The following MYCL variants were observed in gnomAD, a reference collection of about 807,000 sequenced individuals.
The protein encoded by MYCL is MYCL proto-oncogene, bHLH transcription factor, also known as protein L-Myc.
In MYCL, 11 loss-of-function variants were observed where a neutral mutation model predicts 31.0. The ratio of observed to expected loss-of-function variants is 0.35; its 90% CI spans 0.22 to 0.59. The LOEUF (loss-of-function observed/expected upper bound fraction) is 0.59. Among genes scored for constraint, MYCL ranks in the 20% least tolerant of loss-of-function variants. MYCL has a pLI of 0.79. For missense variants in MYCL, 427 were observed against 486.1 expected, an observed-to-expected ratio of 0.88 and a Z score of 1.14; for synonymous variants, 208 against 202.4, an observed-to-expected ratio of 1.03 and a Z score of -0.23.
chr1:39,901,864 C>A lies in MYCL; in HGVS notation c.-430G>T, dbSNP rs1451256457. ...CCGGCTCCCCGCCGGCTCGGGGCAGCCCGGCAGCCAGCACACACGCACATG... is the reference window on the plus strand; with the variant it reads ...CCGGCTCCCCGCCGGCTCGGGGCAGACCGGCAGCCAGCACACACGCACATG... On this transcript the variant is annotated 5_prime_UTR_variant, in exon 1 of 2. Coordinates refer to ENST00000372816, the MANE Select transcript of MYCL (RefSeq NM_001033081.3). The surrounding 1 kb of genome is among the most constrained non-coding windows in gnomAD (Gnocchi z 6.9). 1.6e-6 allele frequency: 2 copies of A among 1,226,610 alleles called. No individual in the cohort carries two copies. Among genetic ancestry groups the A allele is most frequent in the Non-Finnish European group, 1.0e-6 (1 of 977,258 alleles). 76.0% of individuals were successfully genotyped at this position (1,226,610 alleles called of 1,614,324 possible).
In MYCL at chr1:39,896,664, T is replaced by A. The variant is rs999385734; in HGVS notation, c.*708A>T. 2.9e-5 allele frequency: 6 copies of A among 210,442 alleles called. No homozygotes were observed. The highest frequency in any genetic ancestry group is 5.9e-5 in the Admixed American group (1 of 16,932). The allele number at this position is 210,442 out of a possible 1,614,324, so 13.0% of individuals were successfully genotyped here. A position where few individuals can be genotyped will look rare whatever the true frequency, so the allele number is the denominator to read the frequency against. The stretch of plus-strand genomic sequence containing the variant: ...AAAGTCCCTTGTGAGGAAAGAAAGG[T>A]CCCTCCCTCAGAGGAGAGAGCCCAG... On this transcript the variant is annotated 3_prime_UTR_variant, in exon 2 of 2. Coordinates refer to ENST00000372816, the MANE Select transcript of MYCL (RefSeq NM_001033081.3).
At chr1:39,899,608 G>C in intron 1 of MYCL, 2 of 984,812 alleles carry the variant, frequency 2.0e-6, no homozygotes, top group Non-Finnish European at 2.4e-6. Flanking sequence ...CACTCCACCA[G>C]CCGTTGTAGA....
chr1:39,898,932 A>G (rs1644508433), intron 1 of MYCL: 1 of 985,360 alleles, frequency 1.0e-6, no homozygotes, highest in South Asian at 4.7e-5. Context: ...GCCTCCACAC[A>G]GAAGTCCACC....
chr1:39,901,603 G>A lies in MYCL; in HGVS notation c.-169C>T, dbSNP rs1387254236. 1.2e-5 allele frequency: 17 copies of A among 1,425,822 alleles called. No individual in the cohort carries two copies. Among genetic ancestry groups the A allele is most frequent in the South Asian group, 3.0e-5 (2 of 66,590 alleles). The allele number at this position is 1,425,822 out of a possible 1,614,324, so 88.3% of individuals were successfully genotyped here. A position where few individuals can be genotyped will look rare whatever the true frequency, so the allele number is the denominator to read the frequency against. ...CTCGCGTCCCGGGAAGCCGGGCCCC[G>A]GGTCAGAGTGGTAGGGGAAGCCAAT... On this transcript the variant is annotated 5_prime_UTR_variant, in exon 1 of 2. Coordinates refer to ENST00000372816, the MANE Select transcript of MYCL (RefSeq NM_001033081.3). The surrounding 1 kb of genome is among the most constrained non-coding windows in gnomAD (Gnocchi z 6.9).
At chr1:39,898,107 G>A in intron 1 of MYCL, 137 bp from the exon 2 acceptor site, 1 of 1,307,744 alleles carries the variant, frequency 7.6e-7, no homozygotes, top group Non-Finnish European at 1.0e-6. Flanking sequence ...ACAAATCGAG[G>A]TGAGCAGAAA....
chr1:39,901,858 G>T lies in MYCL; in HGVS notation c.-424C>A. 8.1e-7 allele frequency: 1 copy of T among 1,239,136 alleles called. No individual in the cohort carries two copies. The highest frequency in any genetic ancestry group is 1.0e-6 in the Non-Finnish European group (1 of 982,966). 76.8% of individuals were successfully genotyped at this position (1,239,136 alleles called of 1,614,324 possible). On this transcript the variant is annotated 5_prime_UTR_variant, in exon 1 of 2. Coordinates refer to ENST00000372816, the MANE Select transcript of MYCL (RefSeq NM_001033081.3). This position sits in a 1 kb window ranked among gnomAD's most constrained non-coding sequence, Gnocchi z 6.9. ...AGCGGACCGGCTCCCCGCCGGCTCG[G>T]GGCAGCCCGGCAGCCAGCACACACG...
rs1378466331 is a variant in MYCL, at chr1:39,897,086, G to T, written c.*286C>A. The T allele has an allele frequency of 2.6e-6, 1 of 388,414 alleles. No individual in the cohort carries two copies. The highest frequency in any genetic ancestry group is 4.6e-6 in the Non-Finnish European group (1 of 216,030). The allele number at this position is 388,414 out of a possible 1,614,324, so 24.1% of individuals were successfully genotyped here. ...TCTGTCAGCCTTTTCTTCAGAGCTA[G>T]TGAGCTAGGCAGACCCCAAGGCTCC... On this transcript the variant is annotated 3_prime_UTR_variant, in exon 2 of 2. Transcript: ENST00000372816. The surrounding 1 kb of genome is among the most constrained non-coding windows in gnomAD (Gnocchi z 4.3).
chr1:39,899,855 G>A, intron 1 of MYCL: 1 of 985,358 alleles, frequency 1.0e-6, no homozygotes, highest in Non-Finnish European at 1.2e-6. Context: ...AAAAGCTACA[G>A]TGAGCTTTCT....
chr1:39,900,035 G>C, intron 1 of MYCL: 1 of 985,534 alleles, frequency 1.0e-6, no homozygotes, highest in Non-Finnish European at 1.2e-6. Flanking sequence ...TCAAGGATGG[G>C]AGAGGAGGGC....
intron 1 of MYCL, chr1:39,898,825 G>C (rs755036703): frequency 1.7e-4 from 167 of 985,324 alleles, no homozygotes; most frequent in Middle Eastern, 5.2e-4. Context: ...ACCTGGACAC[G>C]CCCTTCTCAT....
chr1:39,900,360 C>T lies in MYCL; in HGVS notation c.496+579G>A, dbSNP rs141303649. On this transcript the variant is annotated intron_variant, in intron 1 of 1. Coordinates refer to ENST00000372816, the MANE Select transcript of MYCL (RefSeq NM_001033081.3). ...TGTCTATCTCTAAGCCTCAGTTTTT[C>T]CATCTGTTAATGGGGAGTGTTCATT... is the stretch of plus-strand genomic sequence containing the variant. 9.5e-5 allele frequency: 94 copies of T among 985,958 alleles called. 1 individual carries two copies. In the African/African-American group the frequency reaches 1.5e-3, roughly 16 times the overall value. 61.1% of individuals were successfully genotyped at this position (985,958 alleles called of 1,614,324 possible). A position where few individuals can be genotyped will look rare whatever the true frequency, so the allele number is the denominator to read the frequency against.
At position 39,898,790 on chromosome 1, in the gene MYCL, C is replaced by A. The variant is rs1177287710; in HGVS notation, c.497-820G>T. The A allele has an allele frequency of 3.0e-6, 3 of 985,356 alleles. No individual in the cohort carries two copies. In the East Asian group the frequency reaches 3.4e-4, roughly 112 times the overall value. 61.0% of individuals were successfully genotyped at this position (985,356 alleles called of 1,614,324 possible). ...GCAGCAGAATGTCCCAGATATGGGG[C>A]TCATAACACCAGAGACCTGGAGACA... On this transcript the variant is annotated intron_variant, in intron 1 of 1. Transcript: ENST00000372816.
rs1644493762 is a variant in MYCL, at chr1:39,897,495, G to C, written c.972C>G (p.Ser324Arg). 6.2e-7 allele frequency: 1 copy of C among 1,614,236 alleles called. No individual in the cohort carries two copies. The highest frequency in any genetic ancestry group is 8.5e-7 in the Non-Finnish European group (1 of 1,180,040). Residue 324 changes from serine to arginine, a missense_variant, in exon 2 of 2, where the codon AGC becomes AGG. Ser to Arg is a moderately radical substitution (Grantham distance 110, BLOSUM62 -1). Coordinates refer to ENST00000372816, the MANE Select transcript of MYCL (RefSeq NM_001033081.3). The surrounding 1 kb of genome is among the most constrained non-coding windows in gnomAD (Gnocchi z 4.3). ...CSKAPKVVIL[S>R]KALEYLQALV... ...GGGCTTGCAAGTATTCCAAGGCCTT[G>C]CTTAGGATCACTACTTTGGGGGCCT... is the stretch of plus-strand genomic sequence containing the variant.
rs1265120993 is a variant in MYCL, at chr1:39,897,994, G to A, written c.497-24C>T. On this transcript the variant is annotated intron_variant, in intron 1 of 1. Coordinates refer to ENST00000372816, the MANE Select transcript of MYCL (RefSeq NM_001033081.3). This position sits in a 1 kb window ranked among gnomAD's most constrained non-coding sequence, Gnocchi z 4.3. ...CTCTGTCCGAGAAAAGAGATCAAGA[G>A]AAGAAACACATCCCATGAGAAACAC... 9 of 1,601,752 alleles carry A rather than the reference G, an allele frequency of 5.6e-6. No individual in the cohort carries two copies. Among genetic ancestry groups the A allele is most frequent in the Non-Finnish European group, 7.7e-6 (9 of 1,173,386 alleles).
In MYCL at chr1:39,901,815, C is replaced by A; in HGVS notation, c.-381G>T. On this transcript the variant is annotated 5_prime_UTR_variant, in exon 1 of 2. Coordinates refer to ENST00000372816, the MANE Select transcript of MYCL (RefSeq NM_001033081.3). This position sits in a 1 kb window ranked among gnomAD's most constrained non-coding sequence, Gnocchi z 6.9. ...GGCCACCCGCAGCCTCACCTCGCTC[C>A]AGCCGCCCGCCACCTGGAGCGGACC... 7.8e-7 allele frequency: 1 copy of A among 1,277,400 alleles called. No homozygotes were observed. The highest frequency in any genetic ancestry group is 1.0e-6 in the Non-Finnish European group (1 of 1,000,678). The allele number at this position is 1,277,400 out of a possible 1,614,324, so 79.1% of individuals were successfully genotyped here.
At position 39,897,750 on chromosome 1, in the gene MYCL, C is replaced by CT; in HGVS notation, c.716dup (p.Arg240GlufsTer10). 2 of 1,614,164 alleles carry CT rather than the reference C, an allele frequency of 1.2e-6. No individual in the cohort carries two copies. Among genetic ancestry groups the CT allele is most frequent in the Non-Finnish European group, 1.7e-6 (2 of 1,180,034 alleles). The stretch of plus-strand genomic sequence containing the variant: ...CTTCCTTTTCCCCTGCAGCATCTCT[C>CT]TCCAGAACCTCTTCTTGGGGACCCC... On this transcript the variant is annotated frameshift_variant, in exon 2 of 2. Transcript: ENST00000372816. LOFTEE classifies it high-confidence loss of function. This position sits in a 1 kb window ranked among gnomAD's most constrained non-coding sequence, Gnocchi z 4.3.
rs1330620062 is a variant in MYCL, at chr1:39,897,442, G to C, written c.1025C>G (p.Thr342Arg). ...ALVGAEKRMA[T>R]EKRQLRCRQQ... ...CCGGCATCGGAGCTGTCTTTTCTCT[G>C]TAGCCATCCTCTTCTCAGCCCCCAC... Residue 342 changes from threonine (T) to arginine (R), a missense_variant, in exon 2 of 2, where the codon ACA (threonine) becomes AGA (arginine). By Grantham distance (71) the Thr-to-Arg change is moderately conservative (BLOSUM62 -1). Transcript: ENST00000372816. The surrounding 1 kb of genome is among the most constrained non-coding windows in gnomAD (Gnocchi z 4.3). The C allele has an allele frequency of 1.2e-6, 2 of 1,613,950 alleles. No homozygotes were observed. Among genetic ancestry groups the C allele is most frequent in the Non-Finnish European group, 1.7e-6 (2 of 1,179,824 alleles).
chr1:39,899,849 G>A, intron 1 of MYCL: 1 of 985,382 alleles, frequency 1.0e-6, no homozygotes, highest in African/African-American at 1.7e-5. Context: ...ATTCCTAAAA[G>A]CTACAGTGAG....
rs1644485477 is a variant in MYCL, at chr1:39,896,658, G to T, written c.*714C>A. ...AACAAAAAAGTCCCTTGTGAGGAAA[G>T]AAAGGTCCCTCCCTCAGAGGAGAGA... On this transcript the variant is annotated 3_prime_UTR_variant, in exon 2 of 2. Coordinates refer to ENST00000372816, the MANE Select transcript of MYCL (RefSeq NM_001033081.3). The T allele has an allele frequency of 9.5e-6, 2 of 210,342 alleles. No individual in the cohort carries two copies. The highest frequency in any genetic ancestry group is 1.4e-4 in the East Asian group (2 of 14,102). The allele number at this position is 210,342 out of a possible 1,614,324, so 13.0% of individuals were successfully genotyped here.
Sources: allele counts gnomAD v4.1 joint callset, GRCh38; gene constraint gnomAD v4.1.1; non-coding constraint Gnocchi (gnomAD v3.1); transcripts MANE v1.5; gene names NCBI Gene and HGNC (gene_info 2026-07-23, HGNC 2026-07-21).